Variants in DCUN1D4 observed in about 807,000 individuals in gnomAD.
The protein encoded by DCUN1D4 is defective in cullin neddylation 1 domain containing 4, also known as DCN1-like protein 4.
Under a neutral mutation model 47.9 loss-of-function variants are expected in DCUN1D4, and 22 were observed. The observed-to-expected ratio is 0.46, with a 90% confidence interval of 0.33 to 0.66. DCUN1D4 has a LOEUF of 0.66. Among genes scored for constraint, DCUN1D4 ranks in the 30% least tolerant of loss-of-function variants. The pLI, the probability that DCUN1D4 is intolerant of heterozygous loss-of-function variation, is 0.02. For synonymous variants in DCUN1D4, 121 were observed against 112.2 expected, an observed-to-expected ratio of 1.08 and a Z score of -0.50; for missense variants, 301 against 340.8, an observed-to-expected ratio of 0.88 and a Z score of 0.92.
At chr4:51,879,594 A>G (rs567533872) in intron 5 of DCUN1D4, among the ~76,000 whole-genome samples, 5 of 152,232 alleles carry the variant, frequency 3.3e-5, no homozygotes, top group African/African-American at 7.2e-5. Flanking sequence ...GCGACAGAGC[A>G]AGACTCCGTC....
chr4:51,893,929 A>G (rs1369156430), intron 7 of DCUN1D4, among the ~76,000 whole-genome samples: 1 of 152,182 alleles, frequency 6.6e-6, no homozygotes, highest in Non-Finnish European at 1.5e-5. Flanking sequence ...ACAAAAGAAT[A>G]TTACCTGATA....
upstream of DCUN1D4, among the ~76,000 whole-genome samples, chr4:51,841,026 C>T (rs555743250): frequency 6.6e-6 from 1 of 152,278 alleles, no homozygotes; most frequent in South Asian, 2.1e-4. Flanking sequence ...TATGCCAGGC[C>T]AGTGTTGGGA....
the DCUN1D4 span, among the ~76,000 whole-genome samples, chr4:51,836,861 G>C: frequency 4.6e-5 from 7 of 152,128 alleles, no homozygotes; most frequent in African/African-American, 1.7e-4. Flanking sequence ...ACCAACAACC[G>C]GAGATGGATG....
chr4:51,872,023 A>G (rs913879927), intron 3 of DCUN1D4, among the ~76,000 whole-genome samples: 2 of 152,116 alleles, frequency 1.3e-5, no homozygotes, highest in Non-Finnish European at 2.9e-5. Context: ...CCTTGGAAGG[A>G]AAGAGCCTGG....
Position 51,899,260 on chromosome 4 carries a change from G to T in DCUN1D4, c.507-10G>T, listed in dbSNP as rs748667724. On this transcript the variant is annotated splice_polypyrimidine_tract_variant and intron_variant, in intron 7 of 10. Transcript: ENST00000334635. ...TCAGGTCATAATTTGCCTTTATTCT[G>T]TTTTTCTAGATGTGATACAACAGAA... is the stretch of plus-strand genomic sequence containing the variant. The T allele has an allele frequency of 6.3e-7, 1 of 1,583,614 alleles. No homozygotes were observed.
At chr4:51,871,883 C>T (rs1208794474) in intron 3 of DCUN1D4, among the ~76,000 whole-genome samples, 1 of 152,204 alleles carries the variant, frequency 6.6e-6, no homozygotes, top group Non-Finnish European at 1.5e-5. Context: ...CAGCATTTTA[C>T]AGGGAAGATG....
chr4:51,915,147 C>T lies in DCUN1D4; in HGVS notation c.*1563C>T, dbSNP rs1734208697. On this transcript the variant is annotated 3_prime_UTR_variant, in exon 11 of 11. Transcript: ENST00000334635. ...AGCACACAGACAGTGCTACTCTTGACCACTATTTTACCATTTCTTTGCAAA... is the reference window on the plus strand; with the variant it reads ...AGCACACAGACAGTGCTACTCTTGATCACTATTTTACCATTTCTTTGCAAA... 1 of 152,532 alleles carries T rather than the reference C, an allele frequency of 6.6e-6. No individual in the cohort carries two copies. Among genetic ancestry groups the T allele is most frequent in the Admixed American group, 6.6e-5 (1 of 15,254 alleles). 9.4% of individuals were successfully genotyped at this position (152,532 alleles called of 1,614,324 possible). A position where few individuals can be genotyped will look rare whatever the true frequency, so the allele number is the denominator to read the frequency against.
chr4:51,837,636 C>G, the DCUN1D4 span, among the ~76,000 whole-genome samples: 2 of 97,904 alleles, frequency 2.0e-5, no homozygotes, highest in African/African-American at 8.0e-5. Flanking sequence ...GCCTGGGCGA[C>G]AGAACGAGAC....
At chr4:51,910,221 A>G (rs1373690044) in intron 8 of DCUN1D4, among the ~76,000 whole-genome samples, 2 of 152,176 alleles carry the variant, frequency 1.3e-5, no homozygotes, top group African/African-American at 2.4e-5. Flanking sequence ...ATTCCTTTCC[A>G]TGGAAACTGA....
intron 1 of DCUN1D4, among the ~76,000 whole-genome samples, chr4:51,855,621 C>T (rs534272300): frequency 1.3e-5 from 2 of 152,120 alleles, no homozygotes; most frequent in African/African-American, 4.8e-5. Flanking sequence ...TGAATATTCA[C>T]GAATTGTGTG....
upstream of DCUN1D4, among the ~76,000 whole-genome samples, chr4:51,842,026 A>G (rs1490354277): frequency 6.6e-6 from 1 of 151,842 alleles, no homozygotes; most frequent in Non-Finnish European, 1.5e-5. Context: ...ATATCTCGAA[A>G]TATTGTTCTG....
chr4:51,870,821 C>T (rs1222015996), intron 3 of DCUN1D4, among the ~76,000 whole-genome samples: 1 of 152,064 alleles, frequency 6.6e-6, no homozygotes, highest in African/African-American at 2.4e-5. Flanking sequence ...TTATTTAGTT[C>T]ATGTTGGCAA....
At chr4:51,890,308 CCAT>C (rs1348625852) in intron 6 of DCUN1D4, among the ~76,000 whole-genome samples, 1 of 152,122 alleles carries the variant, frequency 6.6e-6, no homozygotes, top group Non-Finnish European at 1.5e-5. Context: ...ACCATAGCCG[CCAT>C]CTGACCCAGT....
intron 7 of DCUN1D4, among the ~76,000 whole-genome samples, chr4:51,893,211 T>C (rs1730722782): frequency 6.6e-6 from 1 of 152,218 alleles, no homozygotes; most frequent in Non-Finnish European, 1.5e-5. Context: ...TATTATCTGA[T>C]GACAAATGAG....
chr4:51,870,374 A>T (rs928375107), intron 3 of DCUN1D4, among the ~76,000 whole-genome samples: 1 of 152,184 alleles, frequency 6.6e-6, no homozygotes, highest in Non-Finnish European at 1.5e-5. Flanking sequence ...TTCCTTGAAT[A>T]TGTCTTCTAA....
At chr4:51,847,990 C>T (rs1010655858) in intron 1 of DCUN1D4, among the ~76,000 whole-genome samples, 5 of 152,202 alleles carry the variant, frequency 3.3e-5, no homozygotes, top group Non-Finnish European at 5.9e-5. Flanking sequence ...TGATGCCTTG[C>T]ATAGCTACCC....
intron 8 of DCUN1D4, chr4:51,909,488 A>G (rs1341405033): frequency 1.9e-5 from 3 of 156,722 alleles, no homozygotes; most frequent in African/African-American, 7.2e-5. Context: ...GCACAGTGTC[A>G]TCACAGAAGT....
chr4:51,893,883 T>C (rs1266858818), intron 7 of DCUN1D4, among the ~76,000 whole-genome samples: 1 of 152,248 alleles, frequency 6.6e-6, no homozygotes, highest in Non-Finnish European at 1.5e-5. Flanking sequence ...ACCCAGTTTG[T>C]ATAGTACTGA....
chr4:51,854,174 A>G (rs904694987), intron 1 of DCUN1D4, among the ~76,000 whole-genome samples: 15 of 152,236 alleles, frequency 9.9e-5, no homozygotes, highest in Non-Finnish European at 1.8e-4. Flanking sequence ...TTTACAAATG[A>G]AACTGAGACC....
Sources: allele counts gnomAD v4.1 joint callset (sites outside exome capture counted in the v4.1 genomes callset), GRCh38; gene constraint gnomAD v4.1.1; transcripts MANE v1.5; gene names NCBI Gene and HGNC (gene_info 2026-07-23, HGNC 2026-07-21).